TATDN2: variants seen among roughly 807,000 people sequenced by gnomAD.
TATDN2 encodes 3'-5' RNA nuclease TATDN2.
Under a neutral mutation model 60.3 loss-of-function variants are expected in TATDN2, and 44 were observed. That is an observed-to-expected ratio of 0.73 (90% CI 0.57 to 0.94). TATDN2 has a LOEUF of 0.94. Ranked by LOEUF, TATDN2 falls within the 40% of genes least tolerant of loss-of-function variation. The pLI is 0.00. For synonymous variants in TATDN2, 399 were observed against 355.8 expected, an observed-to-expected ratio of 1.12 and a Z score of -1.37; for missense variants, 997 against 948.0, an observed-to-expected ratio of 1.05 and a Z score of -0.68.
intron 2 of TATDN2, among the ~76,000 whole-genome samples, chr3:10,254,175 A>G (rs1418607945): frequency 6.6e-6 from 1 of 152,178 alleles, no homozygotes; most frequent in Non-Finnish European, 1.5e-5. Flanking sequence ...GCCAAGGACA[A>G]TCGGGCCATG....
In TATDN2 at chr3:10,260,209, A is replaced by G; in HGVS notation, c.487A>G (p.Thr163Ala). Residue 163 changes from threonine to alanine, a missense_variant, in exon 3 of 8, where the codon ACA (threonine) becomes GCA (alanine). Transcript: ENST00000448281. The part of the protein sequence containing the change: ...FAAEAEGQND[T>A]IEEPNKVQKR... ...AGCTGAAGCTGAGGGTCAGAATGAT[A>G]CAATTGAGGAACCCAACAAGGTCCA... 6.2e-7 allele frequency: 1 copy of G among 1,614,186 alleles called. No homozygotes were observed. Among genetic ancestry groups the G allele is most frequent in the Middle Eastern group, 1.6e-4 (1 of 6,062 alleles).
At chr3:10,266,749 A>G (rs1698480627) in intron 3 of TATDN2, among the ~76,000 whole-genome samples, 1 of 152,218 alleles carries the variant, frequency 6.6e-6, no homozygotes, top group African/African-American at 2.4e-5. Flanking sequence ...GTGAGGTTTC[A>G]GGAAAGAGTA....
rs1277353581 is a variant in TATDN2, at chr3:10,260,578, G to C, written c.856G>C (p.Glu286Gln). ...AGACCCTCAAGAGAAACCCAGTGAG[G>C]AGCCCCTTGGGGACCGAAGGACTGT... ...VIDPQEKPSE[E>Q]PLGDRRTVID... is the part of the protein sequence containing the mutation. The change falls in exon 3 of 8, where the codon GAG (glutamate) becomes CAG (glutamine). Residue 286 changes from glutamate to glutamine, a missense_variant. Physicochemically the swap from Glu to Gln is conservative, Grantham distance 29. Transcript: ENST00000448281. 8 of 1,614,044 alleles carry C rather than the reference G, an allele frequency of 5.0e-6. No individual in the cohort carries two copies. Among genetic ancestry groups the C allele is most frequent in the African/African-American group, 1.3e-5 (1 of 74,908 alleles).
chr3:10,260,385 A>C lies in TATDN2; in HGVS notation c.663A>C (p.Gly221=). Residue 221 remains glycine (G), a synonymous_variant, in exon 3 of 8, where the codon GGA becomes GGC. Coordinates refer to ENST00000448281, the MANE Select transcript of TATDN2 (RefSeq NM_014760.4). ...KPSAAEHPSH[G]EGPARSEGPA... is the part of the protein sequence containing the mutation. ...GCGCAGCAGAGCATCCCAGCCATGGAGAAGGACCAGCCAGGAGTGAAGGAC... is the reference window on the plus strand; with the variant it reads ...GCGCAGCAGAGCATCCCAGCCATGGCGAAGGACCAGCCAGGAGTGAAGGAC... 1 of 1,614,174 alleles carries C rather than the reference A, an allele frequency of 6.2e-7. No homozygotes were observed. The highest frequency in any genetic ancestry group is 8.5e-7 in the Non-Finnish European group (1 of 1,180,016).
chr3:10,270,239 A>C lies in TATDN2; in HGVS notation c.1057A>C (p.Lys353Gln). 6.2e-7 allele frequency: 1 copy of C among 1,614,204 alleles called. No individual in the cohort carries two copies. Among genetic ancestry groups the C allele is most frequent in the Non-Finnish European group, 8.5e-7 (1 of 1,180,046 alleles). Residue 353 changes from lysine (K) to glutamine (Q), a missense_variant, in exon 4 of 8, where the codon AAA becomes CAA. Physicochemically the swap from Lys to Gln is moderately conservative, Grantham distance 53. Coordinates refer to ENST00000448281, the MANE Select transcript of TATDN2 (RefSeq NM_014760.4). ...RFSQEEPVSL[K>Q]PSAVPEPSSF... ...CTCTCAGGAGGAACCTGTCTCCCTGAAACCTTCAGCCGTTCCGGAGCCTTC... is the reference window on the plus strand; with the variant it reads ...CTCTCAGGAGGAACCTGTCTCCCTGCAACCTTCAGCCGTTCCGGAGCCTTC...
intron 2 of TATDN2, among the ~76,000 whole-genome samples, chr3:10,258,300 CAG>C (rs1246706888): frequency 2.7e-5 from 4 of 149,780 alleles, no homozygotes; most frequent in East Asian, 2.0e-4. Flanking sequence ...TTGTTTGAGA[CAG>C]AGTCTCATTC....
rs939849896 is a variant in TATDN2 at position 10,278,106 on chromosome 3, C to T, written c.1962-173C>T. Among the ~76,000 whole-genome samples, 2 of 151,988 alleles carry T rather than the reference C, an allele frequency of 1.3e-5. No individual in the cohort carries two copies. The stretch of plus-strand genomic sequence containing the variant: ...TCTGATCACTCACCAAGTGCCATCT[C>T]GGGGCTTCCTGTGTTGGAGCCAGCC... On this transcript the variant is annotated intron_variant, in intron 5 of 7. Coordinates refer to ENST00000448281, the MANE Select transcript of TATDN2 (RefSeq NM_014760.4). This position sits in a 1 kb window ranked among gnomAD's most constrained non-coding sequence, Gnocchi z 4.7.
chr3:10,272,134 G>C (rs1698575839), intron 4 of TATDN2, among the ~76,000 whole-genome samples: 1 of 151,736 alleles, frequency 6.6e-6, no homozygotes, highest in Non-Finnish European at 1.5e-5. Context: ...TCAGAGATAA[G>C]GTCTTTGTCG....
intron 2 of TATDN2, among the ~76,000 whole-genome samples, chr3:10,251,623 T>G (rs1698233390): frequency 6.6e-6 from 1 of 151,952 alleles, no homozygotes; most frequent in Non-Finnish European, 1.5e-5. Context: ...TGACTGCAAG[T>G]GATCTGACCG....
rs534908268 is a variant in TATDN2, at chr3:10,249,894, G to A, written c.414+280G>A. Reference sequence around the variant, plus strand: ...GCCTGCCTCCTACTCCAGAGAAACTGATTTATTGGGCTGAGGTGTGGTCTG... The same window carrying A: ...GCCTGCCTCCTACTCCAGAGAAACTAATTTATTGGGCTGAGGTGTGGTCTG... On this transcript the variant is annotated intron_variant, in intron 2 of 7. Transcript: ENST00000448281. Among the ~76,000 whole-genome samples, 121 of 152,308 alleles carry A rather than the reference G, an allele frequency of 7.9e-4. 1 individual carries two copies. Among genetic ancestry groups the A allele is most frequent in the African/African-American group, 2.6e-3 (108 of 41,562 alleles).
chr3:10,268,522 A>G (rs564988285), intron 3 of TATDN2, among the ~76,000 whole-genome samples: 1 of 152,338 alleles, frequency 6.6e-6, no homozygotes, highest in African/African-American at 2.4e-5. Flanking sequence ...TGGCACTTAA[A>G]TTTTGTTTCC....
intron 2 of TATDN2, among the ~76,000 whole-genome samples, chr3:10,256,376 A>G (rs1021098614): frequency 8.6e-5 from 13 of 151,608 alleles, no homozygotes; most frequent in Admixed American, 4.6e-4. Flanking sequence ...GGGTCTTGCT[A>G]TGTTGCCCAG....
At chr3:10,250,176 TTTTTTTC>T (rs1416914804) in intron 2 of TATDN2, among the ~76,000 whole-genome samples, 26 of 151,742 alleles carry the variant, frequency 1.7e-4, no homozygotes, top group Non-Finnish European at 3.1e-4. Flanking sequence ...TAGTTTTTTT[TTTTTTTC>T]TTTTTTTTTT....
intron 2 of TATDN2, among the ~76,000 whole-genome samples, chr3:10,254,163 T>G (rs378630): frequency 0.6 from 91,115 of 152,122 alleles, 28,828 homozygotes; most frequent in East Asian, 0.98. Flanking sequence ...GGGGCTGTTG[T>G]TGCCAAGGAC....
rs375154994 is a variant in TATDN2, at chr3:10,252,888, GCT to G, written c.414+3277_414+3278del. ...TTTTTTTTTTTTGAGACAGAATCTT[GCT>G]CTGTCACCCAGGCTGGAGTGCAGTG... is the stretch of plus-strand genomic sequence containing the variant. On this transcript the variant is annotated intron_variant, in intron 2 of 7. Coordinates refer to ENST00000448281, the MANE Select transcript of TATDN2 (RefSeq NM_014760.4). 3.0e-3 allele frequency among the ~76,000 whole-genome samples: 361 copies of G among 120,802 alleles called. 2 individuals are homozygous for G. The Middle Eastern group carries it at 0.063, about 21-fold the overall frequency. 79.3% of individuals were successfully genotyped at this position (120,802 alleles called of 152,430 possible). A position where few individuals can be genotyped will look rare whatever the true frequency, so the allele number is the denominator to read the frequency against.
At chr3:10,276,175 T>C (rs1698634127) in intron 4 of TATDN2, among the ~76,000 whole-genome samples, 186 bp from the exon 5 acceptor site, 1 of 152,230 alleles carries the variant, frequency 6.6e-6, no homozygotes, top group South Asian at 2.1e-4. Context: ...CAGGTTATGA[T>C]AGACGTGCAG....
At position 10,260,239 on chromosome 3, in the gene TATDN2, A is replaced by G. The variant is rs1398929371; in HGVS notation, c.517A>G (p.Arg173Gly). The G allele has an allele frequency of 1.2e-6, 2 of 1,614,204 alleles. No homozygotes were observed. The highest frequency in any genetic ancestry group is 1.7e-6 in the Non-Finnish European group (2 of 1,180,034). ...TGAGGAACCCAACAAGGTCCAGAAA[A>G]GGAAGAGGGATAGACTTCGAGACCA... is the stretch of plus-strand genomic sequence containing the variant. ...TIEEPNKVQK[R>G]KRDRLRDQGS... Residue 173 changes from arginine (R) to glycine (G), a missense_variant, in exon 3 of 8, where the codon AGG (arginine) becomes GGG (glycine). Coordinates refer to ENST00000448281, the MANE Select transcript of TATDN2 (RefSeq NM_014760.4).
Position 10,260,308 on chromosome 3 carries a change from G to C in TATDN2, c.586G>C (p.Gly196Arg). 1 of 1,614,174 alleles carries C rather than the reference G, an allele frequency of 6.2e-7. No individual in the cohort carries two copies. Among genetic ancestry groups the C allele is most frequent in the Non-Finnish European group, 8.5e-7 (1 of 1,180,014 alleles). ...CCTGAAGGCTATCCAGGGCATCCTG[G>C]GGAAATCGATGCCAAAAAGGAAGGG... ...IYLKAIQGIL[G>R]KSMPKRKGEA... The change falls in exon 3 of 8, where the codon GGG becomes CGG. Residue 196 changes from glycine to arginine, a missense_variant. By Grantham distance (125) the Gly-to-Arg change is moderately radical. Coordinates refer to ENST00000448281, the MANE Select transcript of TATDN2 (RefSeq NM_014760.4).
chr3:10,250,798 A>ATCTTT (rs1182076532), intron 2 of TATDN2, among the ~76,000 whole-genome samples: 2 of 152,242 alleles, frequency 1.3e-5, no homozygotes, highest in Admixed American at 1.3e-4. Context: ...AAATCAGGTA[A>ATCTTT]GTATGGGACT....
Sources: gnomAD v4.1 joint callset for allele counts (sites outside exome capture counted in the v4.1 genomes callset) on GRCh38, gnomAD v4.1.1 for gene constraint, Gnocchi (gnomAD v3.1) non-coding constraint, MANE v1.5 for transcripts, NCBI Gene and HGNC (gene_info 2026-07-23, HGNC 2026-07-21) for gene names.